The following PRDM16 variants were observed in gnomAD, a reference collection of about 807,000 sequenced individuals.
The protein encoded by PRDM16 is PR/SET domain 16.
A neutral mutation model predicts 110.6 loss-of-function variants in PRDM16; 23 were observed. The observed-to-expected ratio is 0.21, with a 90% CI of 0.15 to 0.29. The LOEUF (loss-of-function observed/expected upper bound fraction) is 0.29, where lower values mean the gene tolerates loss of function less well. PRDM16 is among the 10% of genes least tolerant of loss of function. The pLI is 1.00. For missense variants in PRDM16, 1,615 were observed against 1,794.3 expected (o/e 0.90, Z 1.81); for synonymous variants, 799 against 781.8 (o/e 1.02, Z -0.37).
At chr1:3,432,968 A>G (rs954218144) in intron 16 of PRDM16, among the ~76,000 whole-genome samples, 1 of 152,158 alleles carries the variant, frequency 6.6e-6, no homozygotes, top group Admixed American at 6.5e-5. Flanking sequence ...AACGCTGCAC[A>G]TCCCTGTCCC....
chr1:3,113,068 C>A (rs932040452), intron 1 of PRDM16, among the ~76,000 whole-genome samples: 1 of 152,266 alleles, frequency 6.6e-6, no homozygotes, highest in African/African-American at 2.4e-5. Flanking sequence ...ACCCAGGGAA[C>A]AGCCAGCCTC....
intron 2 of PRDM16, among the ~76,000 whole-genome samples, chr1:3,225,883 C>T (rs1205739660): frequency 6.6e-6 from 1 of 152,204 alleles, no homozygotes; most frequent in African/African-American, 2.4e-5. Context: ...ACAGGCAAAG[C>T]CGGTGGCATG....
intron 1 of PRDM16, among the ~76,000 whole-genome samples, chr1:3,144,308 C>T (rs1011888357): frequency 2.6e-5 from 4 of 152,192 alleles, no homozygotes; most frequent in African/African-American, 7.2e-5. Flanking sequence ...GGCCATCCCT[C>T]GGGTTGGATG....
chr1:3,149,242 G>A (rs551920192), intron 1 of PRDM16, among the ~76,000 whole-genome samples: 60 of 152,302 alleles, frequency 3.9e-4, no homozygotes, highest in African/African-American at 1.3e-3. Context: ...TGGAGAACAC[G>A]GGTGAGAATG....
chr1:3,075,095 G>A (rs773315865), intron 1 of PRDM16, among the ~76,000 whole-genome samples: 59 of 152,240 alleles, frequency 3.9e-4, no homozygotes, highest in Non-Finnish European at 7.1e-4. Context: ...GAGGTGCCTG[G>A]GCTGGCCCGC....
At chr1:3,122,139 C>T (rs909588476) in intron 1 of PRDM16, among the ~76,000 whole-genome samples, 4 of 152,212 alleles carry the variant, frequency 2.6e-5, no homozygotes, top group Non-Finnish European at 5.9e-5. Flanking sequence ...TGGACACAGA[C>T]AGCCGGGCTG....
intron 4 of PRDM16, among the ~76,000 whole-genome samples, chr1:3,386,372 A>C (rs1643198916): frequency 6.6e-6 from 1 of 152,270 alleles, no homozygotes; most frequent in Non-Finnish European, 1.5e-5. Flanking sequence ...TTTTGCATTA[A>C]GAAATGCACA....
chr1:3,313,302 A>G (rs1641510750), intron 3 of PRDM16, among the ~76,000 whole-genome samples: 1 of 152,208 alleles, frequency 6.6e-6, no homozygotes. Flanking sequence ...CGTCACGATG[A>G]GTCAGCGCCG....
intron 3 of PRDM16, among the ~76,000 whole-genome samples, chr1:3,371,177 C>A (rs1642898967): frequency 8.0e-6 from 1 of 124,726 alleles, no homozygotes. Context: ...GATCCACCAT[C>A]TATCCATCCA....
intron 5 of PRDM16, among the ~76,000 whole-genome samples, chr1:3,398,964 G>A (rs1013254340): frequency 2.6e-5 from 4 of 152,204 alleles, no homozygotes; most frequent in Non-Finnish European, 5.9e-5. Flanking sequence ...CTGCCCTGCC[G>A]TCCCGGGGCT....
chr1:3,315,586 T>G (rs750889315), intron 3 of PRDM16, among the ~76,000 whole-genome samples: 8 of 152,212 alleles, frequency 5.3e-5, no homozygotes, highest in Non-Finnish European at 1.0e-4. Context: ...TGTTGTACTT[T>G]TTTAATGAGC....
At chr1:3,184,039 C>T (rs938517455) in intron 1 of PRDM16, among the ~76,000 whole-genome samples, 17 of 152,100 alleles carry the variant, frequency 1.1e-4, no homozygotes, top group African/African-American at 3.4e-4. Context: ...GTCAGCGGGG[C>T]GGGGGTTATG....
intron 15 of PRDM16, among the ~76,000 whole-genome samples, 186 bp downstream of exon 15, chr1:3,431,294 C>A (rs1315532242): frequency 6.6e-6 from 1 of 152,208 alleles, no homozygotes; most frequent in African/African-American, 2.4e-5. Flanking sequence ...GGGTCAGGGG[C>A]CCTTAACCCC....
intron 3 of PRDM16, among the ~76,000 whole-genome samples, chr1:3,381,472 G>A (rs535592468): frequency 4.5e-4 from 67 of 147,504 alleles, no homozygotes; most frequent in African/African-American, 1.5e-3. Flanking sequence ...GCGCAATCTC[G>A]GCTCACTATA....
intron 3 of PRDM16, among the ~76,000 whole-genome samples, chr1:3,257,594 TA>T (rs5772100): frequency 1 from 151,890 of 152,360 alleles, 75,712 homozygotes; most frequent in Middle Eastern, 1. Context: ...TACATTGGCA[TA>T]AACCTTGCTC....
At chr1:3,119,067 A>G (rs1254902890) in intron 1 of PRDM16, among the ~76,000 whole-genome samples, 1 of 152,134 alleles carries the variant, frequency 6.6e-6, no homozygotes, top group African/African-American at 2.4e-5. Context: ...GGGAGACGGT[A>G]TGGCCATCTC....
chr1:3,081,821 C>T lies in PRDM16; in HGVS notation c.37+12525C>T, dbSNP rs114214426. Among the ~76,000 whole-genome samples, 1,400 of 152,144 alleles carry T rather than the reference C, an allele frequency of 9.2e-3. 25 individuals are homozygous for T. Among genetic ancestry groups the T allele is most frequent in the African/African-American group, 0.032 (1,337 of 41,536 alleles). Reference sequence around the variant, plus strand: ...AGCAGGGCAGCAAGGGAGACCACCTCCTTGCTGCCCTGACTAAACACCAGC... The same window carrying T: ...AGCAGGGCAGCAAGGGAGACCACCTTCTTGCTGCCCTGACTAAACACCAGC... On this transcript the variant is annotated intron_variant, in intron 1 of 16. Coordinates refer to ENST00000270722, the MANE Select transcript of PRDM16 (RefSeq NM_022114.4). This position sits in a 1 kb window ranked among gnomAD's most constrained non-coding sequence, Gnocchi z 4.6.
chr1:3,254,525 GA>G (rs1489906156), intron 3 of PRDM16, among the ~76,000 whole-genome samples: 1 of 151,940 alleles, frequency 6.6e-6, no homozygotes, highest in African/African-American at 2.4e-5. Context: ...AACAGACAGA[GA>G]GCCAAATCAT....
chr1:3,069,410 C>G lies in PRDM16; in HGVS notation c.37+114C>G. On this transcript the variant is annotated intron_variant, in intron 1 of 16. Transcript: ENST00000270722. This position sits in a 1 kb window ranked among gnomAD's most constrained non-coding sequence, Gnocchi z 6.1. ...GGCCGGCGCGCCTGCGGCTCCGGGC[C>G]CCCGGCTCGGCCGCGCGGCCCGGGG... 5.7e-6 allele frequency: 1 copy of G among 175,386 alleles called. No homozygotes were observed. Among genetic ancestry groups the G allele is most frequent in the Non-Finnish European group, 1.1e-5 (1 of 94,456 alleles). 10.9% of individuals were successfully genotyped at this position (175,386 alleles called of 1,614,324 possible). A position where few individuals can be genotyped will look rare whatever the true frequency, so the allele number is the denominator to read the frequency against.
Sources: gnomAD v4.1 joint callset for allele counts (sites outside exome capture counted in the v4.1 genomes callset) on GRCh38, gnomAD v4.1.1 for gene constraint, Gnocchi (gnomAD v3.1) non-coding constraint, MANE v1.5 for transcripts, NCBI Gene and HGNC (gene_info 2026-07-23, HGNC 2026-07-21) for gene names.